NAV2: variants seen among roughly 807,000 people sequenced by gnomAD.
NAV2 encodes the protein helicase, APC down-regulated 1.
In NAV2, 54 loss-of-function variants were observed where a neutral mutation model predicts 223.2. That is an observed-to-expected ratio of 0.24 (90% CI 0.19 to 0.30). NAV2 has a LOEUF of 0.30. Ranked by LOEUF, NAV2 falls within the 10% of genes least tolerant of loss-of-function variation. The probability of loss-of-function intolerance (pLI) is 1.00; values close to 1 mark genes in which losing one functional copy is unlikely to be tolerated. For synonymous variants in NAV2, 1,279 were observed against 1,239.3 expected (o/e 1.03, Z -0.67); for missense variants, 2,806 against 3,147.5 (o/e 0.89, Z 2.60).
intron 10 of NAV2, among the ~76,000 whole-genome samples, chr11:19,963,033 C>T (rs183069906): frequency 1.5e-3 from 230 of 152,234 alleles, no homozygotes; most frequent in African/African-American, 5.2e-3. Flanking sequence ...AAACATGGGA[C>T]GAAATAAATG....
intron 6 of NAV2, among the ~76,000 whole-genome samples, chr11:19,921,090 A>G (rs897949550): frequency 6.6e-6 from 1 of 152,168 alleles, no homozygotes; most frequent in Non-Finnish European, 1.5e-5. Flanking sequence ...CATTAAGAAG[A>G]CAACTGTCAG....
intron 1 of NAV2, among the ~76,000 whole-genome samples, chr11:19,801,916 G>C (rs2058290648): frequency 6.6e-6 from 1 of 152,186 alleles, no homozygotes. Flanking sequence ...TGCTTAATAA[G>C]AGCTAAAATC....
intron 1 of NAV2, among the ~76,000 whole-genome samples, chr11:19,474,082 G>A (rs1006159307): frequency 6.6e-6 from 1 of 152,110 alleles, no homozygotes; most frequent in Non-Finnish European, 1.5e-5. Flanking sequence ...GGTCTTCATT[G>A]CTCTGTGCCA....
At chr11:19,490,137 T>A (rs1293985568) in intron 1 of NAV2, among the ~76,000 whole-genome samples, 1 of 152,228 alleles carries the variant, frequency 6.6e-6, no homozygotes, top group Admixed American at 6.5e-5. Flanking sequence ...CTAATGACCA[T>A]CTGAGCCTTC....
intron 1 of NAV2, among the ~76,000 whole-genome samples, chr11:19,564,970 A>T (rs1274285365): frequency 6.6e-6 from 1 of 152,190 alleles, no homozygotes; most frequent in East Asian, 1.9e-4. Flanking sequence ...CCCTACCTCT[A>T]CTAAAAAATA....
intron 1 of NAV2, among the ~76,000 whole-genome samples, chr11:19,600,981 C>G (rs1280719025): frequency 6.6e-6 from 1 of 152,180 alleles, no homozygotes; most frequent in African/African-American, 2.4e-5. Context: ...GTAAAGTGCT[C>G]CACAGAAGCT....
chr11:20,063,018 T>C (rs556627720), intron 20 of NAV2, among the ~76,000 whole-genome samples: 77 of 152,290 alleles, frequency 5.1e-4, no homozygotes, highest in Admixed American at 4.3e-3. Context: ...ATCTGTAAAG[T>C]AGAAATAATA....
chr11:19,397,445 G>A (rs376966662), intron 1 of NAV2, among the ~76,000 whole-genome samples: 1 of 151,554 alleles, frequency 6.6e-6, no homozygotes, highest in South Asian at 2.1e-4. Flanking sequence ...AGGGAATACT[G>A]TTCTTGTGTC....
intron 24 of NAV2, among the ~76,000 whole-genome samples, chr11:20,078,736 G>T (rs2059913556): frequency 6.6e-6 from 1 of 152,222 alleles, no homozygotes; most frequent in Non-Finnish European, 1.5e-5. Context: ...AGGATTACGA[G>T]CATGAGCCAC....
intron 1 of NAV2, among the ~76,000 whole-genome samples, chr11:19,441,322 G>A (rs1851392689): frequency 6.6e-6 from 1 of 152,106 alleles, no homozygotes; most frequent in Non-Finnish European, 1.5e-5. Context: ...TTTGACTTAA[G>A]AGTCCTAGTG....
chr11:20,092,847 G>C (rs1008019199), intron 28 of NAV2, among the ~76,000 whole-genome samples: 1 of 152,194 alleles, frequency 6.6e-6, no homozygotes, highest in African/African-American at 2.4e-5. Context: ...TGCTGTTGTT[G>C]TTTTGGTTGA....
In NAV2 at chr11:19,488,118, G is replaced by T. The variant is rs138425960; in HGVS notation, c.75+137091G>T. ...GCTGTCACTAAGTGATCCCAGACAT[G>T]GCAGTGCCCCTCTTTCTCCCACAAT... On this transcript the variant is annotated intron_variant, in intron 1 of 37. Transcript: ENST00000360655. Among the ~76,000 whole-genome samples the T allele has an allele frequency of 2.2e-3, 339 of 152,276 alleles. 1 individual carries two copies. Among genetic ancestry groups the T allele is most frequent in the African/African-American group, 7.8e-3 (325 of 41,540 alleles).
At chr11:19,387,862 A>C (rs181015890) in intron 1 of NAV2, among the ~76,000 whole-genome samples, 173 of 152,324 alleles carry the variant, frequency 1.1e-3, no homozygotes, top group African/African-American at 4.0e-3. Flanking sequence ...AAAACTTGCA[A>C]ATGTGTGGTT....
At chr11:19,809,487 A>C (rs1270231474) in intron 1 of NAV2, among the ~76,000 whole-genome samples, 2 of 152,242 alleles carry the variant, frequency 1.3e-5, no homozygotes, top group Admixed American at 6.5e-5. Flanking sequence ...GATAGTACAG[A>C]AAGTTGCCAT....
intron 1 of NAV2, among the ~76,000 whole-genome samples, chr11:19,821,309 G>A (rs1481272896): frequency 6.6e-6 from 1 of 151,216 alleles, no homozygotes; most frequent in Non-Finnish European, 1.5e-5. Flanking sequence ...ACTGAATGTG[G>A]GTTATCCTGA....
chr11:19,681,000 C>A (rs771007108), intron 1 of NAV2, among the ~76,000 whole-genome samples: 4 of 152,234 alleles, frequency 2.6e-5, no homozygotes, highest in Admixed American at 6.5e-5. Context: ...AGGCACTGTT[C>A]TAAGCATTTT....
chr11:20,084,013 G>C (rs934471960), intron 26 of NAV2, among the ~76,000 whole-genome samples: 2 of 152,228 alleles, frequency 1.3e-5, no homozygotes, highest in African/African-American at 2.4e-5. Context: ...CCTGTCCAGA[G>C]GCCAGATCTT....
Position 20,049,052 on chromosome 11 carries a change from C to G in NAV2, c.4227C>G (p.Thr1409=), listed in dbSNP as rs902397920. 6.2e-7 allele frequency: 1 copy of G among 1,613,996 alleles called. No individual in the cohort carries two copies. The highest frequency in any genetic ancestry group is 8.5e-7 in the Non-Finnish European group (1 of 1,180,044). The stretch of plus-strand genomic sequence containing the variant: ...TTCAGTCTGTCAGCAGCCTCCACAC[C>G]AGCTGTGAGTCCATCGACATCTCCC... ...LGFQSVSSLH[T]SCESIDISLS... Residue 1409 remains threonine (T), a synonymous_variant, in exon 15 of 38, where the codon ACC becomes ACG. Transcript: ENST00000349880.
chr11:19,725,257 G>A (rs1279078531), intron 1 of NAV2, among the ~76,000 whole-genome samples: 4 of 152,182 alleles, frequency 2.6e-5, no homozygotes, highest in Non-Finnish European at 4.4e-5. Context: ...GAGTGGAGGC[G>A]CCAGGTCTGA....
Sources: allele counts gnomAD v4.1 joint callset (sites outside exome capture counted in the v4.1 genomes callset), GRCh38; gene constraint gnomAD v4.1.1; transcripts MANE v1.5; gene names NCBI Gene and HGNC (gene_info 2026-07-23, HGNC 2026-07-21).